CACNG6: variants seen among roughly 807,000 people sequenced by gnomAD.
CACNG6 encodes the protein calcium voltage-gated channel auxiliary subunit gamma 6, also known as voltage-dependent calcium channel gamma-6 subunit.
In CACNG6, 21 loss-of-function variants were observed where a neutral mutation model predicts 23.9. The observed-to-expected ratio is 0.88, with a 90% CI of 0.62 to 1.26. The LOEUF is 1.26. Ranked by LOEUF, CACNG6 falls within the 50% of genes most tolerant of loss-of-function variation. The pLI, the probability that CACNG6 is intolerant of heterozygous loss-of-function variation, is 0.00. For synonymous variants in CACNG6, 182 were observed against 168.9 expected (o/e 1.08, Z -0.60); for missense variants, 340 against 352.9 (o/e 0.96, Z 0.29).
At chr19:53,993,407 G>A (rs2145951698) in intron 1 of CACNG6, among the ~76,000 whole-genome samples, 199 bp downstream of exon 1, 1 of 152,196 alleles carries the variant, frequency 6.6e-6, no homozygotes, top group South Asian at 2.1e-4. Context: ...CCCCAGATAT[G>A]GCCCAGGTCC....
rs2069727180 is a variant in CACNG6 at position 54,012,282 on chromosome 19, CTG to C, written c.*97_*98del. The stretch of plus-strand genomic sequence containing the variant: ...CTTTTTGCCCCATCTCCTAGAGAAA[CTG>C]TGTTCTCCCTGCTCGGGGGCCCATG... On this transcript the variant is annotated 3_prime_UTR_variant, in exon 4 of 4. Coordinates refer to ENST00000252729, the MANE Select transcript of CACNG6 (RefSeq NM_145814.2). 9.1e-6 allele frequency: 5 copies of C among 549,370 alleles called. No homozygotes were observed. The highest frequency in any genetic ancestry group is 1.5e-5 in the Non-Finnish European group (5 of 328,428). The allele number at this position is 549,370 out of a possible 1,614,324, so 34.0% of individuals were successfully genotyped here.
chr19:54,003,424 G>A (rs4806483), intron 3 of CACNG6, among the ~76,000 whole-genome samples: 41,980 of 151,858 alleles, frequency 0.28, 7,143 homozygotes, highest in Middle Eastern at 0.45. Flanking sequence ...GCAGCGGTGC[G>A]ATCTCGGCTC....
chr19:54,011,225 T>TACACAC (rs1325176394), intron 3 of CACNG6, among the ~76,000 whole-genome samples: 2 of 110,370 alleles, frequency 1.8e-5, no homozygotes, highest in Non-Finnish European at 3.4e-5. Flanking sequence ...TATATATATA[T>TACACAC]ATACACACAC....
At chr19:54,008,511 C>G (rs1283747368) in intron 3 of CACNG6, among the ~76,000 whole-genome samples, 2 of 152,190 alleles carry the variant, frequency 1.3e-5, no homozygotes, top group Non-Finnish European at 2.9e-5. Flanking sequence ...GACTCTCAGA[C>G]GGTCCTGCAT....
chr19:54,002,275 G>GTTTTTTTTTTTTTTTTTTTT (rs1174799698), intron 3 of CACNG6, among the ~76,000 whole-genome samples: 11 of 116,426 alleles, frequency 9.4e-5, no homozygotes, highest in Admixed American at 2.6e-4. Context: ...CGGTTTTTTT[G>GTTTTTTTTTTTTTTTTTTTT]TTTTTTTTGT....
rs1223020993 is a variant in CACNG6 at position 54,011,964 on chromosome 19, G to A, written c.558G>A (p.Leu186=). The change falls in exon 4 of 4, where the codon TTG becomes TTA. Residue 186 remains leucine, a synonymous_variant. Coordinates refer to ENST00000252729, the MANE Select transcript of CACNG6 (RefSeq NM_145814.2). ...VCFGLSGLLL[L]VSLEVFRHSV... is the part of the protein sequence containing the mutation. The stretch of plus-strand genomic sequence containing the variant: ...TCTCTCCCGCAGGCCTGCTGCTCTT[G>A]GTGAGCCTGGAGGTGTTCCGGCATT... 7 of 1,537,798 alleles carry A rather than the reference G, an allele frequency of 4.6e-6. No individual in the cohort carries two copies. Among genetic ancestry groups the A allele is most frequent in the Non-Finnish European group, 6.1e-6 (7 of 1,144,252 alleles).
rs765284445 is a variant in CACNG6, at chr19:53,992,914, C to T, written c.37C>T (p.Arg13Trp). ...CAACTTCTTCCTGCAAGAGGAGAAC[C>T]GGCGGCGGGGGGCCGCGGGCCGGCG... ...WSNFFLQEENRRRGAAGRRRA... is the reference protein window; with the variant it reads ...WSNFFLQEENWRRGAAGRRRA... Residue 13 changes from arginine to tryptophan, a missense_variant, in exon 1 of 4, where the codon CGG becomes TGG. Transcript: ENST00000252729. This position sits in a 1 kb window ranked among gnomAD's most constrained non-coding sequence, Gnocchi z 4.1. 2 of 1,404,962 alleles carry T rather than the reference C, an allele frequency of 1.4e-6. No individual in the cohort carries two copies. The highest frequency in any genetic ancestry group is 1.5e-5 in the African/African-American group (1 of 66,864). The allele number at this position is 1,404,962 out of a possible 1,614,324, so 87.0% of individuals were successfully genotyped here. A position where few individuals can be genotyped will look rare whatever the true frequency, so the allele number is the denominator to read the frequency against.
At chr19:54,009,735 G>GGGTC (rs750221424) in intron 3 of CACNG6, among the ~76,000 whole-genome samples, 69 of 151,412 alleles carry the variant, frequency 4.6e-4, no homozygotes, top group Non-Finnish European at 7.8e-4. Flanking sequence ...CACGAGGGTA[G>GGGTC]GGTCTTTCTC....
In CACNG6 at chr19:54,004,618, G is replaced by A. The variant is rs530711737; in HGVS notation, c.544+4847G>A. On this transcript the variant is annotated intron_variant, in intron 3 of 3. Coordinates refer to ENST00000252729, the MANE Select transcript of CACNG6 (RefSeq NM_145814.2). Reference sequence around the variant, plus strand: ...TAGAATAACATGGTGGCAAGGCCTCGCGCGGGCTGACTCCCGGCGCCCTGC... The same window carrying A: ...TAGAATAACATGGTGGCAAGGCCTCACGCGGGCTGACTCCCGGCGCCCTGC... 7.2e-5 allele frequency among the ~76,000 whole-genome samples: 11 copies of A among 152,152 alleles called. No individual in the cohort carries two copies. In the South Asian group the frequency reaches 2.3e-3, roughly 32 times the overall value.
intron 1 of CACNG6, among the ~76,000 whole-genome samples, chr19:53,997,626 G>A (rs2069533736): frequency 6.6e-6 from 1 of 152,086 alleles, no homozygotes; most frequent in Non-Finnish European, 1.5e-5. Context: ...GGAAGTGGTG[G>A]CTCCCTGCTG....
In CACNG6 at chr19:53,993,137, G is replaced by GC; in HGVS notation, c.261dup (p.Thr88HisfsTer31). 6.5e-7 allele frequency: 1 copy of GC among 1,548,130 alleles called. No homozygotes were observed. Among genetic ancestry groups the GC allele is most frequent in the Non-Finnish European group, 8.7e-7 (1 of 1,146,162 alleles). On this transcript the variant is annotated frameshift_variant, in exon 1 of 4. Transcript: ENST00000252729. LOFTEE classifies it high-confidence loss of function. ...GCCCACCTGGGGCTGTGGAAGGCGT[G>GC]CACCAAGCGGCTGTGGCAGGCGGAC...
intron 3 of CACNG6, among the ~76,000 whole-genome samples, chr19:54,003,217 A>T (rs1268362228): frequency 6.6e-6 from 1 of 152,152 alleles, no homozygotes; most frequent in Non-Finnish European, 1.5e-5. Flanking sequence ...GCGGAAAATT[A>T]TTCCAAGCAG....
chr19:54,007,069 G>A (rs753030041), intron 3 of CACNG6, among the ~76,000 whole-genome samples: 1 of 151,984 alleles, frequency 6.6e-6, no homozygotes, highest in African/African-American at 2.4e-5. Flanking sequence ...TGTTTTTTGA[G>A]ACAGGGTCTC....
intron 1 of CACNG6, among the ~76,000 whole-genome samples, chr19:53,995,083 G>A (rs1040001863): frequency 6.7e-6 from 1 of 149,416 alleles, no homozygotes; most frequent in South Asian, 2.2e-4. Context: ...TCGGTGGCTC[G>A]GTCTATGCAC....
chr19:54,005,449 T>C (rs1215785765), intron 3 of CACNG6, among the ~76,000 whole-genome samples: 1 of 141,908 alleles, frequency 7.0e-6, no homozygotes, highest in African/African-American at 2.6e-5. Flanking sequence ...AAAAAATAGA[T>C]AAAAATTTAA....
At position 53,998,279 on chromosome 19, in the gene CACNG6, G is replaced by T. The variant is rs2069540852; in HGVS notation, c.372G>T (p.Glu124Asp). Residue 124 changes from glutamate to aspartate, a missense_variant, in exon 2 of 4, where the codon GAG (glutamate) becomes GAT (aspartate). Transcript: ENST00000252729. The part of the protein sequence containing the change: ...CTYFKFFTTG[E>D]NARIFQRTTK... ...ATTTTAAATTCTTCACCACGGGGGAGAATGCACGCATCTTTCAGAGAACCA... is the reference window on the plus strand; with the variant it reads ...ATTTTAAATTCTTCACCACGGGGGATAATGCACGCATCTTTCAGAGAACCA... 1 of 1,613,942 alleles carries T rather than the reference G, an allele frequency of 6.2e-7. No individual in the cohort carries two copies. The highest frequency in any genetic ancestry group is 1.7e-5 in the Admixed American group (1 of 59,988).
intron 2 of CACNG6, among the ~76,000 whole-genome samples, 165 bp downstream of exon 2, chr19:53,998,478 G>C (rs1309872399): frequency 1.3e-5 from 2 of 150,968 alleles, no homozygotes; most frequent in African/African-American, 4.9e-5. Flanking sequence ...AGTTAATGAT[G>C]GGGACATGGT....
rs377267413 is a variant in CACNG6 at position 53,998,316 on chromosome 19, G to A, written c.406+3G>A. The A allele has an allele frequency of 6.9e-5, 112 of 1,613,600 alleles. No individual in the cohort carries two copies. Among genetic ancestry groups the A allele is most frequent in the Non-Finnish European group, 9.2e-5 (109 of 1,179,748 alleles). On this transcript the variant is annotated splice_donor_region_variant and intron_variant, in intron 2 of 3. Transcript: ENST00000252729. The stretch of plus-strand genomic sequence containing the variant: ...CTTTCAGAGAACCACAAAGAAAGGT[G>A]AGAACTTTTCACCCCCTGCTGGGTG...
chr19:53,992,838 G>C lies in CACNG6; in HGVS notation c.-40G>C. ...TCCCGCCCCTCGAGGCCCTTCGCCG[G>C]CTCTGCCTCCTCCCCCTTCCCGACC... On this transcript the variant is annotated 5_prime_UTR_variant, in exon 1 of 4. Coordinates refer to ENST00000252729, the MANE Select transcript of CACNG6 (RefSeq NM_145814.2). The surrounding 1 kb of genome is among the most constrained non-coding windows in gnomAD (Gnocchi z 4.1). 1.5e-6 allele frequency: 2 copies of C among 1,341,568 alleles called. No homozygotes were observed. Among genetic ancestry groups the C allele is most frequent in the South Asian group, 2.3e-5 (1 of 43,898 alleles). The allele number at this position is 1,341,568 out of a possible 1,614,324, so 83.1% of individuals were successfully genotyped here. A position where few individuals can be genotyped will look rare whatever the true frequency, so the allele number is the denominator to read the frequency against.
Sources: gnomAD v4.1 joint callset for allele counts (sites outside exome capture counted in the v4.1 genomes callset) on GRCh38, gnomAD v4.1.1 for gene constraint, Gnocchi (gnomAD v3.1) non-coding constraint, MANE v1.5 for transcripts, NCBI Gene and HGNC (gene_info 2026-07-23, HGNC 2026-07-21) for gene names.